RGS7BP: variants seen among roughly 807,000 people sequenced by gnomAD.
RGS7BP encodes the protein regulator of G protein signaling 7 binding protein, also known as regulator of G protein signaling 7-binding protein.
A neutral mutation model predicts 31.3 loss-of-function variants in RGS7BP; 9 were observed. The ratio of observed to expected loss-of-function variants is 0.29; its 90% CI spans 0.17 to 0.50. The LOEUF is 0.50. RGS7BP is among the 20% of genes least tolerant of loss of function. RGS7BP has a pLI of 0.98. For synonymous variants in RGS7BP, 115 were observed against 120.1 expected (o/e 0.96, Z 0.28); for missense variants, 274 against 322.0 (o/e 0.85, Z 1.14).
At chr5:64,516,617 G>C (rs1456975915) in intron 2 of RGS7BP, among the ~76,000 whole-genome samples, 1 of 152,186 alleles carries the variant, frequency 6.6e-6, no homozygotes. Flanking sequence ...TTTGAAACTA[G>C]ATTTCCTGTA....
At chr5:64,599,157 T>C (rs1375122674) in intron 5 of RGS7BP, among the ~76,000 whole-genome samples, 1 of 152,170 alleles carries the variant, frequency 6.6e-6, no homozygotes, top group African/African-American at 2.4e-5. Context: ...TCACAATCGA[T>C]GTTTGTTAAA....
intron 2 of RGS7BP, among the ~76,000 whole-genome samples, chr5:64,537,170 A>G (rs1164865805): frequency 3.9e-5 from 6 of 152,226 alleles, no homozygotes; most frequent in Non-Finnish European, 7.3e-5. Context: ...GTCTTAGTCC[A>G]GGGGTGTCCA....
At chr5:64,594,374 A>T (rs535775531) in intron 3 of RGS7BP, among the ~76,000 whole-genome samples, 1 of 151,728 alleles carries the variant, frequency 6.6e-6, no homozygotes, top group East Asian at 1.9e-4. Context: ...CACAAGCTAA[A>T]TCCCCCCTCC....
chr5:64,562,067 C>T (rs1180547954), intron 2 of RGS7BP, among the ~76,000 whole-genome samples: 1 of 152,144 alleles, frequency 6.6e-6, no homozygotes, highest in African/African-American at 2.4e-5. Context: ...AGTTTTCTAT[C>T]ACTATTCAGA....
chr5:64,516,879 G>T (rs1476840349), intron 2 of RGS7BP, among the ~76,000 whole-genome samples: 1 of 152,116 alleles, frequency 6.6e-6, no homozygotes, highest in East Asian at 1.9e-4. Context: ...AATTGGTCTG[G>T]GATGCTGCCT....
chr5:64,574,409 C>T (rs530967271), intron 2 of RGS7BP, among the ~76,000 whole-genome samples: 346 of 152,082 alleles, frequency 2.3e-3, no homozygotes, highest in African/African-American at 7.6e-3. Flanking sequence ...CTGAAAAAAA[C>T]CCCGATATTT....
rs10624566 is a variant in RGS7BP, at chr5:64,556,417, C to CCACACA, written c.333-19318_333-19313dup. 5.7e-3 allele frequency among the ~76,000 whole-genome samples: 720 copies of CCACACA among 125,414 alleles called. 4 individuals are homozygous for CCACACA. Among genetic ancestry groups the CCACACA allele is most frequent in the African/African-American group, 0.016 (541 of 33,426 alleles). 82.3% of individuals were successfully genotyped at this position (125,414 alleles called of 152,430 possible). On this transcript the variant is annotated intron_variant, in intron 2 of 5. Coordinates refer to ENST00000334025, the MANE Select transcript of RGS7BP (RefSeq NM_001029875.3). ...AAAAAAAAAAAGCAATCTTCCCCAG[C>CCACACA]CACACACACACACACACACACACAC... is the stretch of plus-strand genomic sequence containing the variant.
chr5:64,520,318 C>T (rs1749075583), intron 2 of RGS7BP, among the ~76,000 whole-genome samples: 1 of 152,114 alleles, frequency 6.6e-6, no homozygotes, highest in Admixed American at 6.5e-5. Flanking sequence ...TCTCCTTTCC[C>T]CTGGACACAC....
chr5:64,540,067 T>G (rs1038743223), intron 2 of RGS7BP, among the ~76,000 whole-genome samples: 1 of 152,120 alleles, frequency 6.6e-6, no homozygotes, highest in Admixed American at 6.5e-5. Flanking sequence ...AGCAGAAAAA[T>G]ATTACTTATA....
intron 2 of RGS7BP, among the ~76,000 whole-genome samples, chr5:64,514,551 T>C (rs1037253468): frequency 1.3e-5 from 2 of 152,202 alleles, no homozygotes; most frequent in African/African-American, 4.8e-5. Context: ...GACCATGGAA[T>C]AGAATGTTTT....
Position 64,594,773 on chromosome 5 carries a change from C to G in RGS7BP, c.527C>G (p.Pro176Arg), listed in dbSNP as rs1270718895. 6.2e-7 allele frequency: 1 copy of G among 1,613,738 alleles called. No individual in the cohort carries two copies. Among genetic ancestry groups the G allele is most frequent in the South Asian group, 1.1e-5 (1 of 91,058 alleles). ...DCKIEESAET[P>R]ALEDSSSSPV... The stretch of plus-strand genomic sequence containing the variant: ...AAAATTGAGGAGAGTGCTGAAACAC[C>G]TGCCCTAGAAGACTCCTCATCATCC... Residue 176 changes from proline to arginine, a missense_variant, in exon 4 of 6, where the codon CCT (proline) becomes CGT (arginine). Pro to Arg is a moderately radical substitution (Grantham distance 103, BLOSUM62 -2). Transcript: ENST00000334025.
At chr5:64,507,120 G>T (rs1748709049) in intron 1 of RGS7BP, among the ~76,000 whole-genome samples, 1 of 152,184 alleles carries the variant, frequency 6.6e-6, no homozygotes, top group South Asian at 2.1e-4. Context: ...GAGGAGGTGG[G>T]GATGCTGCTT....
At chr5:64,532,039 G>A (rs557900562) in intron 2 of RGS7BP, among the ~76,000 whole-genome samples, 2 of 152,006 alleles carry the variant, frequency 1.3e-5, no homozygotes, top group East Asian at 1.9e-4. Context: ...ATTGCTTATC[G>A]GGAAGTGCTA....
At chr5:64,597,741 A>G (rs185566927) in intron 4 of RGS7BP, among the ~76,000 whole-genome samples, 2 of 151,780 alleles carry the variant, frequency 1.3e-5, no homozygotes, top group Admixed American at 6.6e-5. Flanking sequence ...GACATCAGAG[A>G]CTCAGAAGGG....
At chr5:64,557,695 A>G (rs138553525) in intron 2 of RGS7BP, among the ~76,000 whole-genome samples, 1 of 152,276 alleles carries the variant, frequency 6.6e-6, no homozygotes, top group Non-Finnish European at 1.5e-5. Context: ...TATTTAGGAC[A>G]GGAGGCAGAA....
intron 2 of RGS7BP, among the ~76,000 whole-genome samples, chr5:64,568,781 TG>T (rs1249125056): frequency 3.2e-4 from 37 of 115,032 alleles, no homozygotes; most frequent in African/African-American, 1.0e-3. Flanking sequence ...TGATGGTTAT[TG>T]TTTTTTTTTT....
At chr5:64,535,161 C>T (rs902235301) in intron 2 of RGS7BP, among the ~76,000 whole-genome samples, 22 of 152,126 alleles carry the variant, frequency 1.4e-4, no homozygotes, top group Non-Finnish European at 2.6e-4. Flanking sequence ...GATTGGAGGG[C>T]TGAAGAGAAA....
chr5:64,586,554 A>G (rs1303371235), intron 3 of RGS7BP, among the ~76,000 whole-genome samples: 1 of 152,228 alleles, frequency 6.6e-6, no homozygotes, highest in Non-Finnish European at 1.5e-5. Context: ...GCCTGGGCCA[A>G]TGCCCACTCA....
chr5:64,568,673 C>G (rs558338780), intron 2 of RGS7BP, among the ~76,000 whole-genome samples: 4 of 151,852 alleles, frequency 2.6e-5, no homozygotes, highest in Non-Finnish European at 5.9e-5. Flanking sequence ...CCCAGTATTG[C>G]ATTAAACAGT....
Sources: allele counts gnomAD v4.1 joint callset (sites outside exome capture counted in the v4.1 genomes callset), GRCh38; gene constraint gnomAD v4.1.1; transcripts MANE v1.5; gene names NCBI Gene and HGNC (gene_info 2026-07-23, HGNC 2026-07-21).